TAP2: variants seen among roughly 807,000 people sequenced by gnomAD.
The protein encoded by TAP2 is antigen peptide transporter 2.
TAP2 carries 49 observed loss-of-function variants against 74.7 expected under a neutral mutation model. That is an observed-to-expected ratio of 0.66 (90% CI 0.52 to 0.83). The LOEUF (loss-of-function observed/expected upper bound fraction) is 0.83. Among genes scored for constraint, TAP2 ranks in the 40% least tolerant of loss-of-function variants. The probability of loss-of-function intolerance (pLI) is 0.00; values close to 1 mark genes in which losing one functional copy is unlikely to be tolerated. For missense variants in TAP2, 739 were observed against 859.0 expected (o/e 0.86, Z 1.75); for synonymous variants, 306 against 368.4 (o/e 0.83, Z 1.94).
In TAP2 at chr6:32,838,358, C is replaced by T. The variant is rs1471185268; in HGVS notation, c.-4-121G>A. On this transcript the variant is annotated intron_variant, in intron 1 of 11. Coordinates refer to ENST00000374897, the MANE Select transcript of TAP2 (RefSeq NM_001290043.2). ...GCTTCTCATTTTATCCTATTCAACC[C>T]TGAGAGCTCTCCTGAGTAACCGGTG... 2.9e-6 allele frequency: 4 copies of T among 1,359,670 alleles called. No individual in the cohort carries two copies. The East Asian group carries it at 7.6e-5, about 26-fold the overall frequency. The allele number at this position is 1,359,670 out of a possible 1,614,324, so 84.2% of individuals were successfully genotyped here. A position where few individuals can be genotyped will look rare whatever the true frequency, so the allele number is the denominator to read the frequency against.
At chr6:32,829,692 G>T (rs1188886566) in intron 10 of TAP2, among the ~76,000 whole-genome samples, 156 bp from the exon 11 acceptor site, 2 of 152,146 alleles carry the variant, frequency 1.3e-5, no homozygotes, top group Non-Finnish European at 2.9e-5. Flanking sequence ...ATGGGGTGGG[G>T]ACCTGACGGG....
In TAP2 at chr6:32,833,947, T is replaced by A. The variant is rs568534820; in HGVS notation, c.946-1123A>T. Reference sequence around the variant, plus strand: ...CTCTTGTCTGCTGCCATGTGAAATGTGTCTTTCACCTTCCGCCATGATTTG... The same window carrying A: ...CTCTTGTCTGCTGCCATGTGAAATGAGTCTTTCACCTTCCGCCATGATTTG... On this transcript the variant is annotated intron_variant, in intron 5 of 11. Coordinates refer to ENST00000374897, the MANE Select transcript of TAP2 (RefSeq NM_001290043.2). 3.0e-5 allele frequency among the ~76,000 whole-genome samples: 4 copies of A among 134,796 alleles called. No individual in the cohort carries two copies. In the East Asian group the frequency reaches 8.7e-4, roughly 29 times the overall value. The allele number at this position is 134,796 out of a possible 152,430, so 88.4% of individuals were successfully genotyped here.
Position 32,835,291 on chromosome 6 carries a change from C to T in TAP2, c.808G>A (p.Val270Met), listed in dbSNP as rs267600979. The T allele has an allele frequency of 6.2e-7, 1 of 1,613,114 alleles. No homozygotes were observed. Among genetic ancestry groups the T allele is most frequent in the Non-Finnish European group, 8.5e-7 (1 of 1,180,038 alleles). Reference sequence around the variant, plus strand: ...ACTTTCACCAGGCTTCGCAAGAGCACATTGGCATTTAAAGGAAGCCAGTTA... The same window carrying T: ...ACTTTCACCAGGCTTCGCAAGAGCATATTGGCATTTAAAGGAAGCCAGTTA... ...MSNWLPLNAN[V>M]LLRSLVKVVG... The change falls in exon 5 of 12, where the codon GTG (valine) becomes ATG (methionine). Residue 270 changes from valine (V) to methionine (M), a missense_variant. By Grantham distance (21) the Val-to-Met change is conservative. Coordinates refer to ENST00000374897, the MANE Select transcript of TAP2 (RefSeq NM_001290043.2). This position sits in a 1 kb window ranked among gnomAD's most constrained non-coding sequence, Gnocchi z 4.0.
At position 32,832,355 on chromosome 6, in the gene TAP2, T is replaced by C; in HGVS notation, c.1250A>G (p.Glu417Gly). Residue 417 changes from glutamate (E) to glycine (G), a missense_variant, in exon 7 of 12, where the codon GAG (glutamate) becomes GGG (glycine). Physicochemically the swap from Glu to Gly is moderately conservative, Grantham distance 98 (BLOSUM62 -2). Coordinates refer to ENST00000374897, the MANE Select transcript of TAP2 (RefSeq NM_001290043.2). The surrounding 1 kb of genome is among the most constrained non-coding windows in gnomAD (Gnocchi z 5.9). ...CACCTGCACATAGCTCCCCACGCTC[T>C]CCTGGTAGATCATAAAGGAAAGCAG... ...GSLLSFMIYQ[E>G]SVGSYVQTLV... The C allele has an allele frequency of 6.2e-7, 1 of 1,613,016 alleles. No individual in the cohort carries two copies. The highest frequency in any genetic ancestry group is 8.5e-7 in the Non-Finnish European group (1 of 1,180,026).
Position 32,828,014 on chromosome 6 carries a change from T to A in TAP2, c.*892A>T. 1.0e-6 allele frequency: 1 copy of A among 985,028 alleles called. No individual in the cohort carries two copies. Among genetic ancestry groups the A allele is most frequent in the African/African-American group, 1.7e-5 (1 of 57,322 alleles). The allele number at this position is 985,028 out of a possible 1,614,324, so 61.0% of individuals were successfully genotyped here. A position where few individuals can be genotyped will look rare whatever the true frequency, so the allele number is the denominator to read the frequency against. Reference sequence around the variant, plus strand: ...CTTGATGGGATTATGGATTAGGGTTTATGGACCCAAGATGCAATATAATTG... The same window carrying A: ...CTTGATGGGATTATGGATTAGGGTTAATGGACCCAAGATGCAATATAATTG... On this transcript the variant is annotated 3_prime_UTR_variant, in exon 12 of 12. Transcript: ENST00000374897.
chr6:32,823,085 A>G (rs1768406035), downstream of TAP2, among the ~76,000 whole-genome samples: 1 of 151,822 alleles, frequency 6.6e-6, no homozygotes, highest in South Asian at 2.1e-4. Flanking sequence ...ACACCCAGCT[A>G]ATTTTTGTAT....
chr6:32,823,740 T>C (rs1768459863), downstream of TAP2, among the ~76,000 whole-genome samples: 1 of 152,012 alleles, frequency 6.6e-6, no homozygotes, highest in African/African-American at 2.4e-5. Context: ...AGATATTAAC[T>C]TCTGTTAAGT....
At chr6:32,836,902 G>A in intron 3 of TAP2, among the ~76,000 whole-genome samples, 1 of 152,334 alleles carries the variant, frequency 6.6e-6, no homozygotes, top group East Asian at 1.9e-4. Flanking sequence ...AATCAGGCCG[G>A]CTGGGATTTG....
In TAP2 at chr6:32,826,539, T is replaced by A; in HGVS notation, c.*2367A>T. 1.0e-6 allele frequency: 1 copy of A among 985,430 alleles called. No individual in the cohort carries two copies. Among genetic ancestry groups the A allele is most frequent in the African/African-American group, 1.7e-5 (1 of 57,358 alleles). 61.0% of individuals were successfully genotyped at this position (985,430 alleles called of 1,614,324 possible). ...GACAAACCACACTTACAGGAATTTG[T>A]CTGTCTAGCCCGAATATTTTGACTT... On this transcript the variant is annotated 3_prime_UTR_variant, in exon 12 of 12. Coordinates refer to ENST00000374897, the MANE Select transcript of TAP2 (RefSeq NM_001290043.2).
intron 3 of TAP2, among the ~76,000 whole-genome samples, chr6:32,836,172 C>T (rs1270230931): frequency 6.6e-6 from 1 of 152,182 alleles, no homozygotes; most frequent in East Asian, 1.9e-4. Flanking sequence ...CCTTGGTCTC[C>T]TTCCTGCCCC....
chr6:32,822,917 C>CTTTTTTTTT (rs3041453), downstream of TAP2, among the ~76,000 whole-genome samples: 9 of 110,000 alleles, frequency 8.2e-5, no homozygotes, highest in African/African-American at 1.1e-4. Flanking sequence ...TGTGTTCATA[C>CTTTTTTTTT]TTTTTTTTTT....
intron 3 of TAP2, among the ~76,000 whole-genome samples, chr6:32,837,097 A>G (rs2127366191): frequency 6.6e-6 from 1 of 152,322 alleles, no homozygotes; most frequent in East Asian, 1.9e-4. Context: ...TAAGATCTTC[A>G]GGGACTGGCA....
At chr6:32,823,326 T>C (rs1478240456), downstream of TAP2, among the ~76,000 whole-genome samples, 1 of 152,176 alleles carries the variant, frequency 6.6e-6, no homozygotes, top group Non-Finnish European at 1.5e-5. Context: ...AATTTCTGCT[T>C]TATAAGAGCT....
At position 32,838,252 on chromosome 6, in the gene TAP2, G is replaced by C. The variant is rs17220199; in HGVS notation, c.-4-15C>G. The C allele has an allele frequency of 3.2e-3, 4,895 of 1,541,598 alleles. 64 individuals are homozygous for C. Among genetic ancestry groups the C allele is most frequent in the African/African-American group, 0.024 (1,683 of 70,924 alleles). On this transcript the variant is annotated splice_polypyrimidine_tract_variant and intron_variant, in intron 1 of 11. Transcript: ENST00000374897. ...GCCGCATGGCTCTGTCAACGGATAC[G>C]AGATGAGAAATCATGGGGGTGGAGT...
intron 5 of TAP2, among the ~76,000 whole-genome samples, chr6:32,833,304 T>G (rs182318932): frequency 2.1e-3 from 321 of 152,236 alleles, no homozygotes; most frequent in Non-Finnish European, 3.9e-3. Flanking sequence ...TAAATCAGAC[T>G]TCATCAGAAT....
rs1270882085 is a variant in TAP2 at position 32,827,085 on chromosome 6, C to A, written c.*1821G>T. 1.0e-6 allele frequency: 1 copy of A among 985,744 alleles called. No individual in the cohort carries two copies. Among genetic ancestry groups the A allele is most frequent in the Non-Finnish European group, 1.2e-6 (1 of 829,940 alleles). The allele number at this position is 985,744 out of a possible 1,614,324, so 61.1% of individuals were successfully genotyped here. On this transcript the variant is annotated 3_prime_UTR_variant, in exon 12 of 12. Coordinates refer to ENST00000374897, the MANE Select transcript of TAP2 (RefSeq NM_001290043.2). ...AGAAACTGCCCACTCTCACCCCATC[C>A]TCACTGCACCCTGCTCCCAACAGCT...
rs765235652 is a variant in TAP2, at chr6:32,835,613, G to T, written c.739+30C>A. ...CACTGAGGGGCAAGGGATGTCCATG[G>T]GAATCTCAGACCTGGACTCCAGGCC... On this transcript the variant is annotated intron_variant, in intron 4 of 11. Coordinates refer to ENST00000374897, the MANE Select transcript of TAP2 (RefSeq NM_001290043.2). This position sits in a 1 kb window ranked among gnomAD's most constrained non-coding sequence, Gnocchi z 4.0. The T allele has an allele frequency of 6.2e-7, 1 of 1,612,988 alleles. No homozygotes were observed. The highest frequency in any genetic ancestry group is 8.5e-7 in the Non-Finnish European group (1 of 1,179,968).
chr6:32,832,506 C>A lies in TAP2; in HGVS notation c.1144-45G>T, dbSNP rs746028286. 6.2e-7 allele frequency: 1 copy of A among 1,610,788 alleles called. No homozygotes were observed. The highest frequency in any genetic ancestry group is 8.5e-7 in the Non-Finnish European group (1 of 1,178,934). ...AGATGAGGCTGGGAATCTTCCCATT[C>A]TTTCCCCCTCTCTGCCTCTATGAGA... On this transcript the variant is annotated intron_variant, in intron 6 of 11. Transcript: ENST00000374897. This position sits in a 1 kb window ranked among gnomAD's most constrained non-coding sequence, Gnocchi z 5.9.
chr6:32,835,490 G>C lies in TAP2; in HGVS notation c.740-131C>G, dbSNP rs1230658205. 10 of 1,437,472 alleles carry C rather than the reference G, an allele frequency of 7.0e-6. No homozygotes were observed. Among genetic ancestry groups the C allele is most frequent in the Non-Finnish European group, 9.6e-6 (10 of 1,036,830 alleles). 89.0% of individuals were successfully genotyped at this position (1,437,472 alleles called of 1,614,324 possible). On this transcript the variant is annotated intron_variant, in intron 4 of 11. Transcript: ENST00000374897. The surrounding 1 kb of genome is among the most constrained non-coding windows in gnomAD (Gnocchi z 4.0). ...ATCCTCCTTCACTTGCAGAGGGACA[G>C]TGGAGGCTGCTTCTCCACCCTGTCC...
Sources: allele counts gnomAD v4.1 joint callset (sites outside exome capture counted in the v4.1 genomes callset), GRCh38; gene constraint gnomAD v4.1.1; non-coding constraint Gnocchi (gnomAD v3.1); transcripts MANE v1.5; gene names NCBI Gene and HGNC (gene_info 2026-07-23, HGNC 2026-07-21).